Variants in ITFG2 observed in about 807,000 individuals in gnomAD.
ITFG2 encodes the protein integrin alpha FG-GAP repeat containing 2.
In ITFG2, 36 loss-of-function variants were observed where a neutral mutation model predicts 54.4. The observed-to-expected ratio is 0.66, with a 90% CI of 0.51 to 0.87. ITFG2 has a LOEUF of 0.87. Among genes scored for constraint, ITFG2 ranks in the 40% least tolerant of loss-of-function variants. The pLI, the probability that ITFG2 is intolerant of heterozygous loss-of-function variation, is 0.00. For synonymous variants in ITFG2, 211 were observed against 225.4 expected, an observed-to-expected ratio of 0.94 and a Z score of 0.57; for missense variants, 524 against 576.7, an observed-to-expected ratio of 0.91 and a Z score of 0.94.
intron 1 of ITFG2, among the ~76,000 whole-genome samples, chr12:2,813,151 C>T (rs1205772584): frequency 6.6e-6 from 1 of 152,210 alleles, no homozygotes; most frequent in African/African-American, 2.4e-5. Context: ...ATTCTCCTAC[C>T]TCAGCCTCCC....
At chr12:2,834,653 A>T (rs375970571), upstream of ITFG2, 20 of 1,596,678 alleles carry the variant, frequency 1.3e-5, no homozygotes, top group Non-Finnish European at 1.7e-5. Context: ...AAGTCCTTGG[A>T]GGTGCCGAGC....
chr12:2,842,117 TTTC>T (rs1297366270), intron 2 of ITFG2, among the ~76,000 whole-genome samples: 3 of 70,784 alleles, frequency 4.2e-5, no homozygotes, highest in Admixed American at 4.7e-4. Context: ...ATTTCACTTG[TTTC>T]TTTTTTTTTT....
chr12:2,846,736 C>T (rs954144842), intron 2 of ITFG2, among the ~76,000 whole-genome samples: 1 of 151,676 alleles, frequency 6.6e-6, no homozygotes, highest in Non-Finnish European at 1.5e-5. Flanking sequence ...TCCTTCACCC[C>T]TCAATTCTGC....
At chr12:2,835,190 T>TGTGTGTGTGTGTGTGTGTGTGTGTGTGA, upstream of ITFG2, 29 of 713,334 alleles carry the variant, frequency 4.1e-5, no homozygotes, top group African/African-American at 7.7e-4. Context: ...TGTGTGTGTG[T>TGTGTGTGTGTGTGTGTGTGTGTGTGTGA]GAGAGAGAGA....
chr12:2,821,621 G>T, intron 8 of ITFG2, 25 bp downstream of exon 8: 2 of 1,614,032 alleles, frequency 1.2e-6, no homozygotes, highest in South Asian at 1.1e-5. Flanking sequence ...GATGGGGTGT[G>T]GGGGCTGTAT....
chr12:2,830,933 T>A, downstream of ITFG2: 1 of 1,529,926 alleles, frequency 6.5e-7, no homozygotes, highest in South Asian at 1.2e-5. Flanking sequence ...TTACCCCACT[T>A]AGATACCCCA....
upstream of ITFG2, among the ~76,000 whole-genome samples, chr12:2,833,407 G>A (rs933847200): frequency 6.6e-6 from 1 of 152,108 alleles, no homozygotes; most frequent in Non-Finnish European, 1.5e-5. Flanking sequence ...TTCTCGTTGG[G>A]AGCTAGGGAA....
upstream of ITFG2, chr12:2,835,658 T>TA (rs1001730519): frequency 1.3e-5 from 2 of 152,186 alleles, no homozygotes; most frequent in African/African-American, 4.8e-5. Context: ...CCTGGCTCTT[T>TA]AAAAAATGTT....
At chr12:2,820,975 C>T (rs1250623415) in intron 6 of ITFG2, 103 bp downstream of exon 6, 1 of 1,253,322 alleles carries the variant, frequency 8.0e-7, no homozygotes, top group East Asian at 2.4e-5. Context: ...GGCAGAGCTG[C>T]CTCATCTAGG....
intron 6 of ITFG2, 68 bp from the exon 7 acceptor site, chr12:2,821,194 G>A (rs2097942901): frequency 2.5e-6 from 3 of 1,220,010 alleles, no homozygotes; most frequent in African/African-American, 3.0e-5. Flanking sequence ...CAGGGATAGG[G>A]GTTACAAAGG....
chr12:2,853,711 C>T (rs1184540260), intron 2 of ITFG2, among the ~76,000 whole-genome samples: 1 of 152,120 alleles, frequency 6.6e-6, no homozygotes, highest in African/African-American at 2.4e-5. Flanking sequence ...TTTTCATTGC[C>T]TTCCCCCTTT....
chr12:2,815,732 C>G (rs1447878733), intron 1 of ITFG2, among the ~76,000 whole-genome samples: 1 of 152,148 alleles, frequency 6.6e-6, no homozygotes, highest in South Asian at 2.1e-4. Context: ...CTGTTCAGGT[C>G]GCATACTTTT....
downstream of ITFG2, chr12:2,828,338 C>T (rs200802666): frequency 1.2e-4 from 192 of 1,614,010 alleles, 3 homozygotes; most frequent in East Asian, 3.0e-3. Flanking sequence ...TTACCCCAGG[C>T]GGCTGAGACA....
intron 2 of ITFG2, chr12:2,849,587 G>T: frequency 1.3e-6 from 2 of 1,520,948 alleles, no homozygotes; most frequent in Non-Finnish European, 1.8e-6. Context: ...GGACAGTGGA[G>T]AGACGGGGAA....
chr12:2,834,502 G>T, upstream of ITFG2: 1 of 1,234,926 alleles, frequency 8.1e-7, no homozygotes, highest in Non-Finnish European at 1.1e-6. Flanking sequence ...GAGTTGGCAG[G>T]ATGACCTCTC....
In ITFG2 at chr12:2,846,121, C is replaced by G. The variant is rs557190752; in HGVS notation, n.300+5126C>G. 3.5e-4 allele frequency among the ~76,000 whole-genome samples: 53 copies of G among 152,308 alleles called. 1 individual carries two copies. In the South Asian group the frequency reaches 0.011, roughly 31 times the overall value. ...GGCGCCAGAAGCCTTACTTCTGTGT[C>G]TCTGGCCGATGAACAAGAGAGCCTG... On this transcript the variant is annotated intron_variant and non_coding_transcript_variant, in intron 2 of 3. Transcript: ENST00000537710.
chr12:2,835,190 T>TGTGTGTGTGTGAGACA, upstream of ITFG2: 1 of 713,266 alleles, frequency 1.4e-6, no homozygotes, highest in African/African-American at 2.9e-5. Flanking sequence ...TGTGTGTGTG[T>TGTGTGTGTGTGAGACA]GAGAGAGAGA....
exon 4 of ITFG2, chr12:2,859,743 T>C: frequency 9.5e-7 from 1 of 1,052,746 alleles, no homozygotes; most frequent in Non-Finnish European, 1.3e-6. Context: ...GTTCTGATCC[T>C]CTTTGTGTCG....
upstream of ITFG2, chr12:2,835,074 G>A (rs1393682981): frequency 2.1e-6 from 3 of 1,441,196 alleles, no homozygotes; most frequent in African/African-American, 2.9e-5. Context: ...AGAAGAGAGG[G>A]AGGGTTGGCA....
Sources: allele counts gnomAD v4.1 joint callset (sites outside exome capture counted in the v4.1 genomes callset), GRCh38; gene constraint gnomAD v4.1.1; transcripts MANE v1.5; gene names NCBI Gene and HGNC (gene_info 2026-07-23, HGNC 2026-07-21).